ITPR2: variants seen among roughly 807,000 people sequenced by gnomAD.
The protein encoded by ITPR2 is inositol 1,4,5-trisphosphate-gated calcium channel ITPR2.
A neutral mutation model predicts 317.1 loss-of-function variants in ITPR2; 207 were observed. The observed-to-expected ratio is 0.65, with a 90% CI of 0.58 to 0.73. The LOEUF (loss-of-function observed/expected upper bound fraction) is 0.73, where lower values mean the gene tolerates loss of function less well. Ranked by LOEUF, ITPR2 falls within the 30% of genes least tolerant of loss-of-function variation. The pLI, the probability that ITPR2 is intolerant of heterozygous loss-of-function variation, is 0.00. For synonymous variants in ITPR2, 1,156 were observed against 1,149.1 expected (o/e 1.01, Z -0.12); for missense variants, 2,613 against 3,284.0 (o/e 0.80, Z 4.99).
intron 9 of ITPR2, among the ~76,000 whole-genome samples, chr12:26,705,777 G>A (rs1565706726): frequency 6.6e-6 from 1 of 152,096 alleles, no homozygotes; most frequent in Non-Finnish European, 1.5e-5. Context: ...CATCAGTTCT[G>A]TCTCCCAAGA....
chr12:26,543,034 C>T (rs1340907022), intron 37 of ITPR2, among the ~76,000 whole-genome samples: 3 of 152,126 alleles, frequency 2.0e-5, no homozygotes, highest in African/African-American at 7.2e-5. Context: ...ATATGTTTTT[C>T]CCTTTTTATG....
At chr12:26,358,680 A>G (rs1938721516) in intron 55 of ITPR2, among the ~76,000 whole-genome samples, 1 of 152,176 alleles carries the variant, frequency 6.6e-6, no homozygotes, top group African/African-American at 2.4e-5. Flanking sequence ...AACAAAAAAA[A>G]AAGGCACTGA....
At chr12:26,511,449 T>C (rs1943343921) in intron 37 of ITPR2, among the ~76,000 whole-genome samples, 1 of 152,214 alleles carries the variant, frequency 6.6e-6, no homozygotes, top group African/African-American at 2.4e-5. Flanking sequence ...TGGTATGATT[T>C]TCTCACTAAA....
At chr12:26,513,294 G>A (rs1418251895) in intron 37 of ITPR2, among the ~76,000 whole-genome samples, 1 of 152,020 alleles carries the variant, frequency 6.6e-6, no homozygotes, top group Admixed American at 6.6e-5. Flanking sequence ...AAAAGCCCTT[G>A]CTTAAATTCG....
intron 49 of ITPR2, among the ~76,000 whole-genome samples, chr12:26,427,643 A>G (rs1941100041): frequency 1.3e-5 from 2 of 152,168 alleles, no homozygotes; most frequent in African/African-American, 4.8e-5. Flanking sequence ...AGGATGCAGA[A>G]TGCATTAAAA....
chr12:26,583,294 C>T (rs1343909480), intron 32 of ITPR2, among the ~76,000 whole-genome samples: 1 of 152,130 alleles, frequency 6.6e-6, no homozygotes, highest in East Asian at 1.9e-4. Context: ...CTGTCATACA[C>T]CAACAGTTCA....
At chr12:26,521,418 C>T (rs1182253358) in intron 37 of ITPR2, among the ~76,000 whole-genome samples, 3 of 152,024 alleles carry the variant, frequency 2.0e-5, no homozygotes, top group South Asian at 2.1e-4. Context: ...ATTAAGAATG[C>T]GTTTCTAGAA....
At position 26,715,223 on chromosome 12, in the gene ITPR2, C is replaced by G. The variant is rs552064606; in HGVS notation, c.855+76G>C. 4.0e-5 allele frequency: 53 copies of G among 1,309,152 alleles called. 1 individual carries two copies. The Admixed American group carries it at 1.1e-3, about 26-fold the overall frequency. The allele number at this position is 1,309,152 out of a possible 1,614,324, so 81.1% of individuals were successfully genotyped here. A position where few individuals can be genotyped will look rare whatever the true frequency, so the allele number is the denominator to read the frequency against. Reference sequence around the variant, plus strand: ...ATTCTATCATAAATGATGCCTATAACAATAAAACAACAAGCCCAGTGAATC... The same window carrying G: ...ATTCTATCATAAATGATGCCTATAAGAATAAAACAACAAGCCCAGTGAATC... On this transcript the variant is annotated intron_variant, in intron 8 of 56. Transcript: ENST00000381340.
chr12:26,458,604 G>A (rs1162255716), intron 45 of ITPR2, among the ~76,000 whole-genome samples: 1 of 152,180 alleles, frequency 6.6e-6, no homozygotes, highest in African/African-American at 2.4e-5. Flanking sequence ...AGATAAACAC[G>A]AGACACTTCT....
At chr12:26,698,604 A>T (rs558383572) in intron 9 of ITPR2, among the ~76,000 whole-genome samples, 1 of 152,358 alleles carries the variant, frequency 6.6e-6, no homozygotes, top group South Asian at 2.1e-4. Context: ...GTTTCATGAC[A>T]GCAGTCTTTC....
chr12:26,455,303 C>T (rs189580746), intron 45 of ITPR2, among the ~76,000 whole-genome samples: 263 of 134,774 alleles, frequency 2.0e-3, no homozygotes, highest in African/African-American at 7.4e-3. Context: ...AAGAAATATG[C>T]CATTGCTGTC....
rs775884910 is a variant in ITPR2 at position 26,483,761 on chromosome 12, C to G, written c.5949G>C (p.Ala1983=). 1 of 1,614,166 alleles carries G rather than the reference C, an allele frequency of 6.2e-7. No homozygotes were observed. Among genetic ancestry groups the G allele is most frequent in the Non-Finnish European group, 8.5e-7 (1 of 1,180,014 alleles). ...LGLYINEKNV[A]LVNQNLESLT... ...AGCTCTCCAGGTTCTGGTTGACCAG[C>G]GCTACATTCTTCTCATTGATGTAGA... The change falls in exon 42 of 57, where the codon GCG becomes GCC. Residue 1983 remains alanine, a synonymous_variant. Transcript: ENST00000381340.
intron 45 of ITPR2, among the ~76,000 whole-genome samples, chr12:26,470,049 C>T (rs1399937190): frequency 2.0e-5 from 3 of 152,180 alleles, no homozygotes; most frequent in Non-Finnish European, 4.4e-5. Context: ...ACTGTCCCAA[C>T]CTCACCAGCC....
At chr12:26,784,692 C>T (rs1410442747) in intron 2 of ITPR2, among the ~76,000 whole-genome samples, 1 of 151,648 alleles carries the variant, frequency 6.6e-6, no homozygotes, top group African/African-American at 2.4e-5. Flanking sequence ...CGGCTCGCTA[C>T]AGCCTCCACC....
At chr12:26,627,307 C>A (rs988540861) in intron 23 of ITPR2, 1 of 152,174 alleles carries the variant, frequency 6.6e-6, no homozygotes, top group Non-Finnish European at 1.5e-5. Flanking sequence ...AGAAAAACTT[C>A]TCTTGGATTT....
At chr12:26,616,580 A>T (rs1433651590) in intron 26 of ITPR2, among the ~76,000 whole-genome samples, 1 of 152,246 alleles carries the variant, frequency 6.6e-6, no homozygotes, top group Admixed American at 6.5e-5. Context: ...GAAGAAAATT[A>T]TACCACCAAT....
chr12:26,541,871 G>T, intron 37 of ITPR2, among the ~76,000 whole-genome samples: 1 of 151,094 alleles, frequency 6.6e-6, no homozygotes, highest in Non-Finnish European at 1.5e-5. Context: ...TCAGGAGTCA[G>T]TATATTTTAG....
At chr12:26,611,485 A>C (rs767733913) in intron 26 of ITPR2, among the ~76,000 whole-genome samples, 27 of 152,328 alleles carry the variant, frequency 1.8e-4, no homozygotes, top group Admixed American at 5.2e-4. Flanking sequence ...ATGAGACTTT[A>C]CATCAGTGAG....
chr12:26,737,694 G>C (rs1267451195), intron 2 of ITPR2, among the ~76,000 whole-genome samples: 1 of 151,920 alleles, frequency 6.6e-6, no homozygotes, highest in African/African-American at 2.4e-5. Context: ...TTGGCATCTC[G>C]GTATTACAGA....
Sources: allele counts gnomAD v4.1 joint callset (sites outside exome capture counted in the v4.1 genomes callset), GRCh38; gene constraint gnomAD v4.1.1; transcripts MANE v1.5; gene names NCBI Gene and HGNC (gene_info 2026-07-23, HGNC 2026-07-21).